GOLGB1: variants seen among roughly 807,000 people sequenced by gnomAD.
GOLGB1 encodes golgin B1.
A neutral mutation model predicts 336.9 loss-of-function variants in GOLGB1; 174 were observed. The observed-to-expected ratio is 0.52, with a 90% CI of 0.46 to 0.59. GOLGB1 has a LOEUF of 0.59. Among genes scored for constraint, GOLGB1 ranks in the 20% least tolerant of loss-of-function variants. The pLI is 0.00. For missense variants in GOLGB1, 3,331 were observed against 3,645.3 expected (o/e 0.91, Z 2.22); for synonymous variants, 1,208 against 1,289.2 (o/e 0.94, Z 1.35).
intron 1 of GOLGB1, among the ~76,000 whole-genome samples, chr3:121,737,235 A>T (rs1033060716): frequency 6.6e-6 from 1 of 152,254 alleles, no homozygotes; most frequent in African/African-American, 2.4e-5. Context: ...AAGTCCATGA[A>T]AATGAGAAGC....
chr3:121,725,966 A>G (rs563549262), intron 5 of GOLGB1, among the ~76,000 whole-genome samples: 1 of 150,264 alleles, frequency 6.7e-6, no homozygotes, highest in Admixed American at 6.6e-5. Context: ...CTCAGCCTCC[A>G]TAAATGTAAG....
chr3:121,673,147 G>GT (rs1169025992), intron 17 of GOLGB1, among the ~76,000 whole-genome samples: 1 of 150,960 alleles, frequency 6.6e-6, no homozygotes, highest in Admixed American at 6.6e-5. Context: ...TCGGCTCACT[G>GT]TAACTTCCAC....
Position 121,695,255 on chromosome 3 carries a change from A to C in GOLGB1, c.5268T>G (p.Ser1756=), listed in dbSNP as rs1442757181. The C allele has an allele frequency of 6.2e-7, 1 of 1,613,054 alleles. No homozygotes were observed. The highest frequency in any genetic ancestry group is 8.5e-7 in the Non-Finnish European group (1 of 1,179,574). Reference sequence around the variant, plus strand: ...TTAAATCTTGAACCTCTTCACTTAGAGAGTCTTTCTCAGACATTAAAGACT... The same window carrying C: ...TTAAATCTTGAACCTCTTCACTTAGCGAGTCTTTCTCAGACATTAAAGACT... The part of the protein sequence containing the change: ...KFQSLMSEKD[S]LSEEVQDLKH... The change falls in exon 13 of 22, where the codon TCT becomes TCG. Residue 1756 remains serine, a synonymous_variant. Transcript: ENST00000614479.
chr3:121,730,739 A>C (rs1946036905), intron 2 of GOLGB1, 137 bp downstream of exon 2: 1 of 790,562 alleles, frequency 1.3e-6, no homozygotes, highest in South Asian at 2.6e-5. Flanking sequence ...ATCACTTATA[A>C]AATTTCAATA....
chr3:121,744,072 C>T (rs1399450944), intron 1 of GOLGB1, among the ~76,000 whole-genome samples: 6 of 152,088 alleles, frequency 3.9e-5, no homozygotes, highest in African/African-American at 7.2e-5. Context: ...CAGCATCCTA[C>T]TGAATATCAT....
Position 121,694,749 on chromosome 3 carries a change from T to C in GOLGB1, c.5774A>G (p.Asp1925Gly), listed in dbSNP as rs1291594910. ...KLKETAEEEK[D>G]DLEERLMNQL... ...ATTCATAAGCCTCTCTTCCAAATCA[T>C]CTTTCTCTTCTTCTGCTGTCTCCTT... The change falls in exon 13 of 22, where the codon GAT becomes GGT. Residue 1925 changes from aspartate to glycine, a missense_variant. Transcript: ENST00000614479. The C allele has an allele frequency of 1.2e-6, 2 of 1,612,620 alleles. No homozygotes were observed. Among genetic ancestry groups the C allele is most frequent in the Non-Finnish European group, 1.7e-6 (2 of 1,179,942 alleles).
chr3:121,737,151 AT>A (rs1472368166), intron 1 of GOLGB1, among the ~76,000 whole-genome samples: 1 of 152,214 alleles, frequency 6.6e-6, no homozygotes, highest in African/African-American at 2.4e-5. Context: ...ATCTAAGGTT[AT>A]TCCAAAATCA....
chr3:121,677,269 C>T lies in GOLGB1; in HGVS notation c.9039+16G>A. On this transcript the variant is annotated intron_variant, in intron 16 of 21. Transcript: ENST00000614479. ...AAATTTATCTCTGAGTAACAATCAG[C>T]ATTGAAATTACTCACCTGTCTTTGG... 1 of 1,567,870 alleles carries T rather than the reference C, an allele frequency of 6.4e-7. No individual in the cohort carries two copies. The highest frequency in any genetic ancestry group is 8.7e-7 in the Non-Finnish European group (1 of 1,145,250).
chr3:121,681,365 G>A (rs537597206), intron 15 of GOLGB1, among the ~76,000 whole-genome samples: 5 of 152,326 alleles, frequency 3.3e-5, no homozygotes, highest in African/African-American at 9.6e-5. Flanking sequence ...CACAAAGGAC[G>A]TATTTGTGGT....
intron 1 of GOLGB1, among the ~76,000 whole-genome samples, chr3:121,742,103 T>C (rs1008059924): frequency 1.3e-5 from 2 of 152,082 alleles, no homozygotes; most frequent in African/African-American, 2.4e-5. Flanking sequence ...CTTCACAAAA[T>C]TGGAAAAAAC....
chr3:121,744,088 A>G (rs1947073799), intron 1 of GOLGB1, among the ~76,000 whole-genome samples: 1 of 152,196 alleles, frequency 6.6e-6, no homozygotes, highest in South Asian at 2.1e-4. Flanking sequence ...ATCATTGAAT[A>G]TCATAGCAAA....
At chr3:121,702,117 C>A (rs1943465462) in intron 11 of GOLGB1, among the ~76,000 whole-genome samples, 1 of 152,000 alleles carries the variant, frequency 6.6e-6, no homozygotes, top group Non-Finnish European at 1.5e-5. Flanking sequence ...TTACCTCATC[C>A]CACAAATTTA....
rs114860604 is a variant in GOLGB1, at chr3:121,699,354, G to A, written c.1594-425C>T. The stretch of plus-strand genomic sequence containing the variant: ...AAAAACACAGCTAACTAAACAAAAC[G>A]CAGCTAACAATACTCTTAAATCAAC... On this transcript the variant is annotated intron_variant, in intron 12 of 21. Coordinates refer to ENST00000614479, the MANE Select transcript of GOLGB1 (RefSeq NM_001366282.2). Among the ~76,000 whole-genome samples, 552 of 152,082 alleles carry A rather than the reference G, an allele frequency of 3.6e-3. 3 individuals are homozygous for A. The highest frequency in any genetic ancestry group is 0.013 in the African/African-American group (529 of 41,510).
In GOLGB1 at chr3:121,741,648, A is replaced by C. The variant is rs147464390; in HGVS notation, c.-3+7984T>G. Among the ~76,000 whole-genome samples the C allele has an allele frequency of 1.9e-3, 286 of 152,320 alleles. 1 individual carries two copies. Among genetic ancestry groups the C allele is most frequent in the Non-Finnish European group, 3.4e-3 (230 of 68,014 alleles). On this transcript the variant is annotated intron_variant, in intron 1 of 21. Coordinates refer to ENST00000614479, the MANE Select transcript of GOLGB1 (RefSeq NM_001366282.2). Reference sequence around the variant, plus strand: ...AGAAGATACAGATGTAATACAGAAGAAATTAAGAACCCCGAAATACAAACT... The same window carrying C: ...AGAAGATACAGATGTAATACAGAAGCAATTAAGAACCCCGAAATACAAACT...
rs1943172432 is a variant in GOLGB1 at position 121,698,922 on chromosome 3, A to G, written c.1601T>C (p.Ile534Thr). ...EADREVSEIS[I>T]VDIANKRSSS... ...GCTCCTCTTGTTGGCAATATCAACA[A>G]TGCTGATCTATTTTTAAAAAAGAAA... is the stretch of plus-strand genomic sequence containing the variant. The change falls in exon 13 of 22, where the codon ATT (isoleucine) becomes ACT (threonine). Residue 534 changes from isoleucine to threonine, a missense_variant. By Grantham distance (89) the Ile-to-Thr change is moderately conservative (BLOSUM62 -1). Coordinates refer to ENST00000614479, the MANE Select transcript of GOLGB1 (RefSeq NM_001366282.2). 2 of 1,534,544 alleles carry G rather than the reference A, an allele frequency of 1.3e-6. No homozygotes were observed. Among genetic ancestry groups the G allele is most frequent in the South Asian group, 2.5e-5 (2 of 79,312 alleles).
At chr3:121,669,381 C>T (rs910606164) in intron 17 of GOLGB1, 26 bp from the exon 18 acceptor site, 1 of 1,602,322 alleles carries the variant, frequency 6.2e-7, no homozygotes, top group Admixed American at 1.7e-5. Flanking sequence ...GGATAAGCAT[C>T]ATCCTGCAGT....
chr3:121,729,053 A>G (rs1945877171), intron 4 of GOLGB1, 135 bp downstream of exon 4: 2 of 585,694 alleles, frequency 3.4e-6, no homozygotes, highest in African/African-American at 1.9e-5. Flanking sequence ...TACAAGCTCT[A>G]TAAGAAAAAA....
At chr3:121,669,423 A>C in intron 17 of GOLGB1, 68 bp from the exon 18 acceptor site, 1 of 1,250,194 alleles carries the variant, frequency 8.0e-7, no homozygotes, top group South Asian at 1.5e-5. Context: ...AAATGTTCTG[A>C]GTTTTCAGGA....
Position 121,690,944 on chromosome 3 carries a change from T to TGA in GOLGB1, c.8418_8419dup (p.His2807LeufsTer24). On this transcript the variant is annotated frameshift_variant, in exon 14 of 22. Transcript: ENST00000614479. LOFTEE classifies it high-confidence loss of function. The stretch of plus-strand genomic sequence containing the variant: ...GAGCTGTTGGTTAAGTTTCTCAAGG[T>TGA]GAGACAAGCTATTCTCCTCAGTGGA... 11 of 1,614,052 alleles carry TGA rather than the reference T, an allele frequency of 6.8e-6. No homozygotes were observed. Among genetic ancestry groups the TGA allele is most frequent in the Non-Finnish European group, 9.3e-6 (11 of 1,179,874 alleles).
Sources: allele counts gnomAD v4.1 joint callset (sites outside exome capture counted in the v4.1 genomes callset), GRCh38; gene constraint gnomAD v4.1.1; transcripts MANE v1.5; gene names NCBI Gene and HGNC (gene_info 2026-07-23, HGNC 2026-07-21).